The following LDB2 variants were observed in gnomAD, a reference collection of about 807,000 sequenced individuals.
LDB2 encodes the protein LIM domain binding 2.
Under a neutral mutation model 44.3 loss-of-function variants are expected in LDB2, and 12 were observed. The ratio of observed to expected loss-of-function variants is 0.27; its 90% confidence interval spans 0.17 to 0.44. The LOEUF is 0.44. Among genes scored for constraint, LDB2 ranks in the 20% least tolerant of loss-of-function variants. LDB2 has a pLI of 1.00. For synonymous variants in LDB2, 164 were observed against 174.8 expected, an observed-to-expected ratio of 0.94 and a Z score of 0.49; for missense variants, 344 against 473.5, an observed-to-expected ratio of 0.73 and a Z score of 2.54.
chr4:16,682,917 ATTCATCCCACT>A (rs1452833610), intron 2 of LDB2, among the ~76,000 whole-genome samples: 2 of 152,240 alleles, frequency 1.3e-5, no homozygotes, highest in Non-Finnish European at 2.9e-5. Context: ...AGAAACTCTG[ATTCATCCCACT>A]TTCATTTTGA....
chr4:16,572,704 A>G (rs778788896), intron 5 of LDB2, among the ~76,000 whole-genome samples: 4 of 152,110 alleles, frequency 2.6e-5, no homozygotes, highest in Non-Finnish European at 5.9e-5. Flanking sequence ...CACTTCTTTA[A>G]GAGTTAACTG....
rs575901023 is a variant in LDB2, at chr4:16,572,253, C to G, written c.615+13669G>C. 9.5e-4 allele frequency among the ~76,000 whole-genome samples: 144 copies of G among 152,232 alleles called. 1 individual carries two copies. Among genetic ancestry groups the G allele is most frequent in the African/African-American group, 3.3e-3 (136 of 41,516 alleles). ...TTTTTGTTTTTGTTTTTTAACCATTCTAGACAATTGGGAAGACTGTTTCCT... is the reference window on the plus strand; with the variant it reads ...TTTTTGTTTTTGTTTTTTAACCATTGTAGACAATTGGGAAGACTGTTTCCT... On this transcript the variant is annotated intron_variant, in intron 5 of 7. Coordinates refer to ENST00000304523, the MANE Select transcript of LDB2 (RefSeq NM_001290.5).
At chr4:16,726,932 A>G (rs1319511103) in intron 2 of LDB2, among the ~76,000 whole-genome samples, 3 of 152,198 alleles carry the variant, frequency 2.0e-5, no homozygotes, top group Non-Finnish European at 4.4e-5. Flanking sequence ...AAAATTACAT[A>G]TGTACATTAT....
At chr4:16,642,229 C>A (rs1275782180) in intron 2 of LDB2, among the ~76,000 whole-genome samples, 1 of 152,082 alleles carries the variant, frequency 6.6e-6, no homozygotes, top group Non-Finnish European at 1.5e-5. Context: ...TGAGATCATG[C>A]CTACATTACT....
chr4:16,755,440 T>C (rs1766327750), intron 2 of LDB2, among the ~76,000 whole-genome samples: 1 of 150,236 alleles, frequency 6.7e-6, no homozygotes, highest in Admixed American at 6.7e-5. Context: ...AAGCATTTAT[T>C]TTCCTTTAGC....
At chr4:16,510,401 G>T (rs1028886508) in intron 6 of LDB2, among the ~76,000 whole-genome samples, 4 of 152,130 alleles carry the variant, frequency 2.6e-5, no homozygotes, top group African/African-American at 7.2e-5. Flanking sequence ...ACTGTTCCAG[G>T]TCATGGAGTT....
intron 1 of LDB2, among the ~76,000 whole-genome samples, chr4:16,847,594 C>CTTGTTTGT (rs761983406): frequency 8.5e-6 from 1 of 117,144 alleles, no homozygotes; most frequent in South Asian, 3.2e-4. Flanking sequence ...TTCTTTAACA[C>CTTGTTTGT]ATGTTTGTTT....
chr4:16,680,135 ATCTC>A (rs910802370), intron 2 of LDB2, among the ~76,000 whole-genome samples: 2 of 152,086 alleles, frequency 1.3e-5, no homozygotes, highest in African/African-American at 2.4e-5. Context: ...AAGAGAGATG[ATCTC>A]TCTCTGTCAT....
intron 1 of LDB2, among the ~76,000 whole-genome samples, chr4:16,769,320 G>A (rs191368207): frequency 2.7e-5 from 4 of 150,910 alleles, no homozygotes; most frequent in Non-Finnish European, 5.9e-5. Context: ...TTTTGAGATG[G>A]AGTTTCCCTC....
At chr4:16,752,849 A>G (rs1408186786) in intron 2 of LDB2, among the ~76,000 whole-genome samples, 2 of 152,160 alleles carry the variant, frequency 1.3e-5, no homozygotes, top group African/African-American at 4.8e-5. Context: ...GTGGATCCAA[A>G]ATCCGTGAAT....
rs1315288524 is a variant in LDB2, at chr4:16,659,671, G to GTGTGTATATATATATATATA, written c.236-63797_236-63796insTATATATATATATATACACA. On this transcript the variant is annotated intron_variant, in intron 2 of 7. Transcript: ENST00000304523. ...CACACATATGAGTATATCTATGTGT[G>GTGTGTATATATATATATATA]TATATATATATATATATATATGTAT... 1.7e-3 allele frequency among the ~76,000 whole-genome samples: 223 copies of GTGTGTATATATATATATATA among 133,490 alleles called. 2 individuals carry two copies. Among genetic ancestry groups the GTGTGTATATATATATATATA allele is most frequent in the African/African-American group, 5.7e-3 (187 of 33,076 alleles). 87.6% of individuals were successfully genotyped at this position (133,490 alleles called of 152,430 possible).
chr4:16,731,988 A>G (rs973421015), intron 2 of LDB2, among the ~76,000 whole-genome samples: 4 of 152,222 alleles, frequency 2.6e-5, no homozygotes, highest in African/African-American at 9.6e-5. Context: ...GAATGTCCCA[A>G]CAGGAATTCA....
chr4:16,749,437 A>G (rs1158438085), intron 2 of LDB2, among the ~76,000 whole-genome samples: 1 of 151,508 alleles, frequency 6.6e-6, no homozygotes, highest in African/African-American at 2.4e-5. Flanking sequence ...GAGCGCCTAT[A>G]GTCCCAGCTA....
At chr4:16,751,113 C>G (rs546424592) in intron 2 of LDB2, among the ~76,000 whole-genome samples, 16 of 152,300 alleles carry the variant, frequency 1.1e-4, no homozygotes, top group Admixed American at 1.0e-3. Context: ...TGTCCATTTT[C>G]TGGTTAGTAC....
At chr4:16,861,593 C>T (rs1712562756) in intron 1 of LDB2, among the ~76,000 whole-genome samples, 1 of 152,250 alleles carries the variant, frequency 6.6e-6, no homozygotes, top group African/African-American at 2.4e-5. Flanking sequence ...ATCTAACCTT[C>T]TCGCCAGTCC....
In LDB2 at chr4:16,690,391, G is replaced by A. The variant is rs550308950; in HGVS notation, c.235+68767C>T. ...GTGGGAGAATCACCTGAGCCCAGGAGGTTGAGATTTCAGTAAGCTGAGATC... is the reference window on the plus strand; with the variant it reads ...GTGGGAGAATCACCTGAGCCCAGGAAGTTGAGATTTCAGTAAGCTGAGATC... On this transcript the variant is annotated intron_variant, in intron 2 of 7. Coordinates refer to ENST00000304523, the MANE Select transcript of LDB2 (RefSeq NM_001290.5). 2.7e-5 allele frequency among the ~76,000 whole-genome samples: 4 copies of A among 150,282 alleles called. No homozygotes were observed. The South Asian group carries it at 8.6e-4, about 32-fold the overall frequency.
At chr4:16,837,915 T>C (rs889402456) in intron 1 of LDB2, among the ~76,000 whole-genome samples, 1 of 152,234 alleles carries the variant, frequency 6.6e-6, no homozygotes, top group African/African-American at 2.4e-5. Flanking sequence ...GGGAAGGCGC[T>C]TGGTGCACAT....
At chr4:16,768,222 A>G (rs981944930) in intron 1 of LDB2, among the ~76,000 whole-genome samples, 7 of 152,158 alleles carry the variant, frequency 4.6e-5, no homozygotes, top group Non-Finnish European at 1.0e-4. Context: ...AAACTTAAAC[A>G]GGTCAAAGTG....
chr4:16,884,006 A>G (rs1256087491), intron 1 of LDB2, among the ~76,000 whole-genome samples: 2 of 152,120 alleles, frequency 1.3e-5, no homozygotes, highest in East Asian at 3.9e-4. Flanking sequence ...TCCTTTGTGC[A>G]TCTCCCTATC....
Sources: allele counts gnomAD v4.1 joint callset (sites outside exome capture counted in the v4.1 genomes callset), GRCh38; gene constraint gnomAD v4.1.1; transcripts MANE v1.5; gene names NCBI Gene and HGNC (gene_info 2026-07-23, HGNC 2026-07-21).